Variants in LRRTM4 observed in about 807,000 individuals in gnomAD.
The protein encoded by LRRTM4 is leucine-rich repeat transmembrane neuronal protein 4.
A neutral mutation model predicts 47.6 loss-of-function variants in LRRTM4; 25 were observed. The observed-to-expected ratio is 0.53, with a 90% confidence interval of 0.38 to 0.73. The LOEUF is 0.73. LRRTM4 is among the 30% of genes least tolerant of loss of function. LRRTM4 has a pLI of 0.00. For synonymous variants in LRRTM4, 311 were observed against 269.5 expected, an observed-to-expected ratio of 1.15 and a Z score of -1.51; for missense variants, 638 against 713.4, an observed-to-expected ratio of 0.89 and a Z score of 1.20.
chr2:77,088,246 G>A (rs112963988), intron 3 of LRRTM4, among the ~76,000 whole-genome samples: 4,515 of 152,256 alleles, frequency 0.03, 218 homozygotes, highest in African/African-American at 0.1. Context: ...AGAACAGCCT[G>A]AAGCAATCGC....
intron 3 of LRRTM4, among the ~76,000 whole-genome samples, chr2:77,436,577 C>T (rs1402778823): frequency 6.6e-6 from 1 of 151,696 alleles, no homozygotes; most frequent in Non-Finnish European, 1.5e-5. Flanking sequence ...AATCCATTAC[C>T]ATCAGAAATA....
At chr2:76,774,178 CTT>C (rs11342000) in intron 3 of LRRTM4, among the ~76,000 whole-genome samples, 30 of 146,898 alleles carry the variant, frequency 2.0e-4, no homozygotes, top group Non-Finnish European at 3.8e-4. Context: ...GAAAAGGGAA[CTT>C]TTTTTTTTTT....
intron 3 of LRRTM4, among the ~76,000 whole-genome samples, chr2:77,343,908 A>G (rs1323469608): frequency 6.6e-6 from 1 of 151,914 alleles, no homozygotes; most frequent in Non-Finnish European, 1.5e-5. Context: ...TTGTTGGAAG[A>G]GCATTCCAGG....
At chr2:76,919,416 A>C (rs1389910723) in intron 3 of LRRTM4, among the ~76,000 whole-genome samples, 1 of 152,214 alleles carries the variant, frequency 6.6e-6, no homozygotes, top group Non-Finnish European at 1.5e-5. Context: ...CTCAGAGTTC[A>C]TCTTCCAGGA....
chr2:76,871,039 A>G (rs1268752576), intron 3 of LRRTM4, among the ~76,000 whole-genome samples: 1 of 152,188 alleles, frequency 6.6e-6, no homozygotes, highest in African/African-American at 2.4e-5. Flanking sequence ...TTAGGTTGCA[A>G]AGCAGTATGA....
intron 3 of LRRTM4, among the ~76,000 whole-genome samples, chr2:77,023,345 G>A (rs181770642): frequency 2.6e-5 from 4 of 152,286 alleles, no homozygotes; most frequent in Admixed American, 2.6e-4. Context: ...ATACCCTGGA[G>A]ACATTTTTCC....
intron 3 of LRRTM4, among the ~76,000 whole-genome samples, chr2:76,934,163 T>A (rs1235478112): frequency 2.0e-5 from 3 of 152,192 alleles, no homozygotes; most frequent in African/African-American, 7.2e-5. Flanking sequence ...GTCTCTATGC[T>A]TGTCACTCAC....
At chr2:76,796,170 C>T (rs1675309323) in intron 3 of LRRTM4, among the ~76,000 whole-genome samples, 1 of 144,020 alleles carries the variant, frequency 6.9e-6, no homozygotes, top group Admixed American at 6.9e-5. Context: ...GGTCCTACGC[C>T]CACAGAGCCT....
At chr2:76,923,649 G>A (rs1674502348) in intron 3 of LRRTM4, among the ~76,000 whole-genome samples, 2 of 151,994 alleles carry the variant, frequency 1.3e-5, no homozygotes, top group South Asian at 2.1e-4. Context: ...CACTTCCTGT[G>A]CATTTTCTAA....
chr2:77,442,890 G>A (rs1675902767), intron 3 of LRRTM4, among the ~76,000 whole-genome samples: 1 of 152,120 alleles, frequency 6.6e-6, no homozygotes, highest in Non-Finnish European at 1.5e-5. Flanking sequence ...GAGAGGATAT[G>A]GAAGATTAGT....
At chr2:76,910,094 C>T (rs1257116320) in intron 3 of LRRTM4, among the ~76,000 whole-genome samples, 10 of 152,072 alleles carry the variant, frequency 6.6e-5, no homozygotes, top group Non-Finnish European at 1.2e-4. Flanking sequence ...TTGGAACCAA[C>T]CCAAATGTCC....
intron 3 of LRRTM4, among the ~76,000 whole-genome samples, chr2:76,873,822 CT>C (rs1478464725): frequency 6.6e-6 from 1 of 151,598 alleles, no homozygotes; most frequent in Non-Finnish European, 1.5e-5. Flanking sequence ...TGCTAATGTA[CT>C]TAAACACAGG....
chr2:77,206,695 G>T (rs1410207151), intron 3 of LRRTM4, among the ~76,000 whole-genome samples: 1 of 152,044 alleles, frequency 6.6e-6, no homozygotes, highest in Non-Finnish European at 1.5e-5. Flanking sequence ...TGTTGGCCAG[G>T]CTGGTCTCGA....
intron 3 of LRRTM4, among the ~76,000 whole-genome samples, chr2:77,055,412 T>C (rs941179329): frequency 6.6e-6 from 1 of 152,086 alleles, no homozygotes; most frequent in Non-Finnish European, 1.5e-5. Flanking sequence ...AAGAAGACAT[T>C]TATGCAGCCA....
At chr2:77,241,297 C>T (rs940269523) in intron 3 of LRRTM4, among the ~76,000 whole-genome samples, 12 of 151,666 alleles carry the variant, frequency 7.9e-5, no homozygotes, top group Non-Finnish European at 1.8e-4. Flanking sequence ...TTGACGATCG[C>T]ACAAAGGTAT....
rs190044053 is a variant in LRRTM4, at chr2:76,882,260, T to C, written c.1552-133344A>G. ...TGGCTTACGTATAAAGTACTTTTTG[T>C]GTAGGAGTGAACAGGGTTCTAATAA... On this transcript the variant is annotated intron_variant, in intron 3 of 3. Coordinates refer to ENST00000409884, the MANE Select transcript of LRRTM4 (RefSeq NM_001134745.3). Among the ~76,000 whole-genome samples the C allele has an allele frequency of 5.3e-3, 814 of 152,290 alleles. 10 individuals are homozygous for C. The highest frequency in any genetic ancestry group is 7.8e-3 in the Non-Finnish European group (533 of 68,024).
intron 3 of LRRTM4, among the ~76,000 whole-genome samples, chr2:76,781,773 T>G (rs1674409567): frequency 6.6e-6 from 1 of 152,006 alleles, no homozygotes; most frequent in Admixed American, 6.5e-5. Flanking sequence ...TTTCTCTTAT[T>G]GATAAATTTC....
intron 3 of LRRTM4, among the ~76,000 whole-genome samples, chr2:77,017,351 G>A (rs1678105473): frequency 6.6e-6 from 1 of 152,142 alleles, no homozygotes; most frequent in Non-Finnish European, 1.5e-5. Flanking sequence ...ATTATATCCT[G>A]AAAACTCCTT....
chr2:76,911,873 T>G (rs944506344), intron 3 of LRRTM4, among the ~76,000 whole-genome samples: 2 of 145,776 alleles, frequency 1.4e-5, no homozygotes, highest in African/African-American at 5.1e-5. Flanking sequence ...TGTGTGTAGC[T>G]TGAAATTCTC....
Sources: allele counts gnomAD v4.1 joint callset (sites outside exome capture counted in the v4.1 genomes callset), GRCh38; gene constraint gnomAD v4.1.1; transcripts MANE v1.5; gene names NCBI Gene and HGNC (gene_info 2026-07-23, HGNC 2026-07-21).